The following RAPGEF1 variants were observed in gnomAD, a reference collection of about 807,000 sequenced individuals.
RAPGEF1 encodes the protein CRK SH3-binding GNRP.
RAPGEF1 carries 33 observed loss-of-function variants against 143.3 expected under a neutral mutation model. That is an observed-to-expected ratio of 0.23 (90% confidence interval 0.17 to 0.31). The LOEUF (loss-of-function observed/expected upper bound fraction) is 0.31, where lower values mean the gene tolerates loss of function less well. Among genes scored for constraint, RAPGEF1 ranks in the 10% least tolerant of loss-of-function variants. The probability of loss-of-function intolerance (pLI) is 1.00; values close to 1 mark genes in which losing one functional copy is unlikely to be tolerated. For missense variants in RAPGEF1, 1,199 were observed against 1,645.4 expected (o/e 0.73, Z 4.69); for synonymous variants, 629 against 676.5 (o/e 0.93, Z 1.09).
intron 12 of RAPGEF1, among the ~76,000 whole-genome samples, chr9:131,609,996 A>C (rs1241525432): frequency 6.6e-6 from 1 of 152,172 alleles, no homozygotes; most frequent in Non-Finnish European, 1.5e-5. Context: ...TCCTGGGTTC[A>C]ACTGATTCTC....
chr9:131,734,833 A>T (rs1317708979), intron 1 of RAPGEF1, among the ~76,000 whole-genome samples: 1 of 152,232 alleles, frequency 6.6e-6, no homozygotes, highest in Non-Finnish European at 1.5e-5. Flanking sequence ...CAATAAAAGC[A>T]TCTTCACACA....
intron 17 of RAPGEF1, 35 bp downstream of exon 17, chr9:131,596,263 C>A: frequency 6.2e-7 from 1 of 1,607,822 alleles, no homozygotes; most frequent in Non-Finnish European, 8.5e-7. Flanking sequence ...CGGGGCAGGA[C>A]CAGCCCCAAT....
intron 1 of RAPGEF1, among the ~76,000 whole-genome samples, chr9:131,672,017 C>G (rs1446946325): frequency 6.6e-6 from 1 of 152,106 alleles, no homozygotes; most frequent in African/African-American, 2.4e-5. Flanking sequence ...AGTGGAGAAA[C>G]CCCCTCACTG....
Position 131,721,260 on chromosome 9 carries a change from G to C in RAPGEF1, c.61+18510C>G, listed in dbSNP as rs184394711. ...TCATCCAAATCAGGACATTTCGAAG[G>C]GGGTAGGGAGGACTCTGTTAATAAT... On this transcript the variant is annotated intron_variant, in intron 1 of 26. Transcript: ENST00000683357. 5.9e-5 allele frequency among the ~76,000 whole-genome samples: 9 copies of C among 152,296 alleles called. No homozygotes were observed. The East Asian group carries it at 9.6e-4, about 16-fold the overall frequency.
At chr9:131,727,078 C>T (rs1215464136) in intron 1 of RAPGEF1, among the ~76,000 whole-genome samples, 1 of 151,976 alleles carries the variant, frequency 6.6e-6, no homozygotes, top group African/African-American at 2.4e-5. Flanking sequence ...TTAAACCTCA[C>T]CCATAAGGGG....
chr9:131,615,513 G>A (rs985378651), intron 12 of RAPGEF1, among the ~76,000 whole-genome samples: 1 of 152,196 alleles, frequency 6.6e-6, no homozygotes, highest in Non-Finnish European at 1.5e-5. Flanking sequence ...GGACCAACTC[G>A]TGGGAGGTGC....
intron 1 of RAPGEF1, among the ~76,000 whole-genome samples, chr9:131,730,815 GC>G (rs371449416): frequency 6.6e-6 from 1 of 151,580 alleles, no homozygotes; most frequent in Admixed American, 6.6e-5. Flanking sequence ...TAAGCAATTT[GC>G]CCACGGTCAC....
intron 6 of RAPGEF1, 62 bp downstream of exon 6, chr9:131,630,174 G>T: frequency 2.2e-5 from 30 of 1,392,084 alleles, no homozygotes; most frequent in Non-Finnish European, 2.6e-5. Flanking sequence ...CCCTATCCTT[G>T]TCAAGTGCAG....
chr9:131,626,268 G>T lies in RAPGEF1; in HGVS notation c.1356C>A (p.Gly452=). Residue 452 remains glycine, a synonymous_variant, in exon 10 of 27, where the codon GGC becomes GGA. Coordinates refer to ENST00000683357, the MANE Select transcript of RAPGEF1 (RefSeq NM_001377935.1). ...FLGPPFQLPL[G]GHPQPDGPLA... ...GAGGTCCGTCTGGCTGGGGATGGCC[G>T]CCAAGAGGCAGCTGGAAAGGAGGGC... The T allele has an allele frequency of 5.0e-6, 8 of 1,613,932 alleles. No individual in the cohort carries two copies. The highest frequency in any genetic ancestry group is 6.8e-6 in the Non-Finnish European group (8 of 1,179,848).
At chr9:131,720,306 GTCA>G (rs1403859072) in intron 1 of RAPGEF1, among the ~76,000 whole-genome samples, 1 of 152,104 alleles carries the variant, frequency 6.6e-6, no homozygotes, top group African/African-American at 2.4e-5. Context: ...TCTTTGTTAC[GTCA>G]TCATCATCAT....
In RAPGEF1 at chr9:131,615,295, T is replaced by C. The variant is rs147825889; in HGVS notation, c.2061+3756A>G. On this transcript the variant is annotated intron_variant, in intron 12 of 26. Coordinates refer to ENST00000683357, the MANE Select transcript of RAPGEF1 (RefSeq NM_001377935.1). ...TTCACCGTCTTAGCCGGGATGGTCT[T>C]GATTTCCTGACCTCGTGATCCGCCC... is the stretch of plus-strand genomic sequence containing the variant. Among the ~76,000 whole-genome samples the C allele has an allele frequency of 8.2e-3, 1,251 of 152,316 alleles. 19 individuals carry two copies. Among genetic ancestry groups the C allele is most frequent in the African/African-American group, 0.028 (1,182 of 41,570 alleles).
chr9:131,676,092 G>A (rs1202854244), intron 1 of RAPGEF1, among the ~76,000 whole-genome samples: 2 of 152,120 alleles, frequency 1.3e-5, no homozygotes, highest in Admixed American at 1.3e-4. Context: ...TTCCTTAAGT[G>A]GAGCCAGTGG....
At position 131,580,245 on chromosome 9, in the gene RAPGEF1, C is replaced by CG; in HGVS notation, c.3641+17dup. On this transcript the variant is annotated intron_variant, in intron 26 of 26. Coordinates refer to ENST00000683357, the MANE Select transcript of RAPGEF1 (RefSeq NM_001377935.1). Reference sequence around the variant, plus strand: ...GGGGCTCAGCTCTGCCTGGTCCCCCCGGGGCAGTGGCACTCACGCCTGCTG... The same window carrying CG: ...GGGGCTCAGCTCTGCCTGGTCCCCCCGGGGGCAGTGGCACTCACGCCTGCTG... 3 of 1,613,242 alleles carry CG rather than the reference C, an allele frequency of 1.9e-6. No homozygotes were observed. The highest frequency in any genetic ancestry group is 2.5e-6 in the Non-Finnish European group (3 of 1,179,424).
intron 15 of RAPGEF1, among the ~76,000 whole-genome samples, chr9:131,601,209 A>G (rs944446837): frequency 1.3e-5 from 2 of 151,630 alleles, no homozygotes; most frequent in African/African-American, 4.8e-5. Context: ...ATAAGACATT[A>G]AAGAGCTGTA....
At chr9:131,676,582 G>T (rs1215737923) in intron 1 of RAPGEF1, among the ~76,000 whole-genome samples, 1 of 152,202 alleles carries the variant, frequency 6.6e-6, no homozygotes, top group Non-Finnish European at 1.5e-5. Context: ...CTGTCCTCTT[G>T]TTCTGTTCCA....
chr9:131,610,414 C>T lies in RAPGEF1; in HGVS notation c.2062-5226G>A, dbSNP rs11788408. ...GAATTGTCAGCTCCACCAGTTACAGCGAAATGTGGTCATGTAAATGAATGG... is the reference window on the plus strand; with the variant it reads ...GAATTGTCAGCTCCACCAGTTACAGTGAAATGTGGTCATGTAAATGAATGG... On this transcript the variant is annotated intron_variant, in intron 12 of 26. Coordinates refer to ENST00000683357, the MANE Select transcript of RAPGEF1 (RefSeq NM_001377935.1). Among the ~76,000 whole-genome samples the T allele has an allele frequency of 6.5e-3, 982 of 152,222 alleles. 5 individuals carry two copies. Among genetic ancestry groups the T allele is most frequent in the Non-Finnish European group, 0.011 (733 of 68,030 alleles).
In RAPGEF1 at chr9:131,667,725, C is replaced by T. The variant is rs377762357; in HGVS notation, c.62-16776G>A. 1.4e-4 allele frequency among the ~76,000 whole-genome samples: 22 copies of T among 152,186 alleles called. No individual in the cohort carries two copies. The highest frequency in any genetic ancestry group is 2.2e-4 in the Non-Finnish European group (15 of 68,034). ...CACGTGGCCTAGGGCAGCCTATCCA[C>T]GTATTCCCGTCCCACCCACGTCTCA... On this transcript the variant is annotated intron_variant, in intron 1 of 26. Coordinates refer to ENST00000683357, the MANE Select transcript of RAPGEF1 (RefSeq NM_001377935.1). The surrounding 1 kb of genome is among the most constrained non-coding windows in gnomAD (Gnocchi z 4.6).
At position 131,605,110 on chromosome 9, in the gene RAPGEF1, TAGGCGGAAGGAA is replaced by T; in HGVS notation, c.2128_2139del (p.Phe710_Pro713del). On this transcript the variant is annotated inframe_deletion, in exon 13 of 27. Transcript: ENST00000683357. ...GGGAAATGTGGAGAGGAAGAGGAGG[TAGGCGGAAGGAA>T]AGGCGGAACGGAAGCTTGGTGGTGA... is the stretch of plus-strand genomic sequence containing the variant. 1 of 1,362,844 alleles carries T rather than the reference TAGGCGGAAGGAA, an allele frequency of 7.3e-7. No individual in the cohort carries two copies. The highest frequency in any genetic ancestry group is 9.8e-7 in the Non-Finnish European group (1 of 1,020,500). The allele number at this position is 1,362,844 out of a possible 1,614,324, so 84.4% of individuals were successfully genotyped here. A position where few individuals can be genotyped will look rare whatever the true frequency, so the allele number is the denominator to read the frequency against.
intron 6 of RAPGEF1, 21 bp from the exon 7 acceptor site, chr9:131,629,275 TG>T (rs1166425878): frequency 2.5e-6 from 4 of 1,609,410 alleles, no homozygotes; most frequent in Admixed American, 1.7e-5. Context: ...GGGAAGAACT[TG>T]GGGTTACAGA....
Sources: gnomAD v4.1 joint callset for allele counts (sites outside exome capture counted in the v4.1 genomes callset) on GRCh38, gnomAD v4.1.1 for gene constraint, Gnocchi (gnomAD v3.1) non-coding constraint, MANE v1.5 for transcripts, NCBI Gene and HGNC (gene_info 2026-07-23, HGNC 2026-07-21) for gene names.